Variants in SV2C observed in about 807,000 individuals in gnomAD.
SV2C encodes solute carrier family 22 member B3.
SV2C carries 49 observed loss-of-function variants against 79.7 expected under a neutral mutation model. That is an observed-to-expected ratio of 0.61 (90% confidence interval 0.49 to 0.78). The LOEUF (loss-of-function observed/expected upper bound fraction) is 0.78. SV2C is among the 30% of genes least tolerant of loss of function. The pLI is 0.00. For missense variants in SV2C, 833 were observed against 912.9 expected (o/e 0.91, Z 1.13); for synonymous variants, 334 against 333.2 (o/e 1.00, Z -0.03).
chr5:75,972,517 G>A, the SV2C span, among the ~76,000 whole-genome samples: 2 of 152,106 alleles, frequency 1.3e-5, no homozygotes, highest in African/African-American at 4.8e-5. Flanking sequence ...ACTGGGCGAA[G>A]GATATGAACA....
At chr5:76,232,053 A>G (rs1233657223) in intron 4 of SV2C, among the ~76,000 whole-genome samples, 1 of 147,942 alleles carries the variant, frequency 6.8e-6, no homozygotes, top group Non-Finnish European at 1.5e-5. Flanking sequence ...CAGTCCCACC[A>G]ACAGTGTAAA....
the SV2C span, among the ~76,000 whole-genome samples, chr5:76,005,471 C>T: frequency 6.6e-6 from 1 of 152,076 alleles, no homozygotes; most frequent in Admixed American, 6.6e-5. Context: ...TTGGTTTTCC[C>T]TGAACAATGT....
At chr5:76,336,072 C>T (rs1338116541), downstream of SV2C, among the ~76,000 whole-genome samples, 1 of 66,340 alleles carries the variant, frequency 1.5e-5, no homozygotes, top group Non-Finnish European at 4.9e-5. Context: ...ACCTCCCTCC[C>T]GGACGGGGCG....
intron 12 of SV2C, among the ~76,000 whole-genome samples, chr5:76,318,246 C>T (rs1255948690): frequency 6.6e-6 from 1 of 152,006 alleles, no homozygotes; most frequent in Non-Finnish European, 1.5e-5. Flanking sequence ...GGTGAAACCC[C>T]GTCTCTACTA....
chr5:76,261,217 G>A (rs1346217069), intron 4 of SV2C, among the ~76,000 whole-genome samples: 1 of 152,018 alleles, frequency 6.6e-6, no homozygotes, highest in African/African-American at 2.4e-5. Flanking sequence ...GTGAATGGGA[G>A]GTCACTCATG....
the SV2C span, among the ~76,000 whole-genome samples, chr5:75,957,009 A>G: frequency 4.6e-5 from 7 of 152,096 alleles, no homozygotes; most frequent in African/African-American, 1.7e-4. Flanking sequence ...TCCAGGCCCA[A>G]GTCCATGTCA....
intron 12 of SV2C, among the ~76,000 whole-genome samples, chr5:76,314,826 G>A (rs1311151385): frequency 1.3e-5 from 2 of 152,068 alleles, no homozygotes; most frequent in Non-Finnish European, 2.9e-5. Flanking sequence ...AGCTCACTTG[G>A]CTGTTGGGAT....
the SV2C span, chr5:75,911,423 C>T: frequency 2.9e-6 from 3 of 1,029,590 alleles, no homozygotes; most frequent in Admixed American, 2.2e-5. Context: ...CCTAGTAGGC[C>T]TCCTCCACCC....
the SV2C span, among the ~76,000 whole-genome samples, chr5:75,850,564 T>A: frequency 6.6e-6 from 1 of 152,030 alleles, no homozygotes; most frequent in African/African-American, 2.4e-5. Flanking sequence ...AGTGACTATC[T>A]AGGTTGGTGG....
chr5:76,334,439 C>T (rs913780418), downstream of SV2C, among the ~76,000 whole-genome samples: 2 of 152,158 alleles, frequency 1.3e-5, no homozygotes, highest in African/African-American at 4.8e-5. Flanking sequence ...TTCTTTTATT[C>T]CTTTAATTTC....
chr5:76,339,139 A>T (rs1749388807), intron 12 of SV2C, among the ~76,000 whole-genome samples: 1 of 152,182 alleles, frequency 6.6e-6, no homozygotes, highest in Non-Finnish European at 1.5e-5. Context: ...ACACAAAATT[A>T]ACGTAAAAGT....
the SV2C span, among the ~76,000 whole-genome samples, chr5:76,071,439 C>G: frequency 6.6e-6 from 1 of 152,050 alleles, no homozygotes; most frequent in Non-Finnish European, 1.5e-5. Flanking sequence ...TAATAGAGTA[C>G]CCAGAAACCA....
At chr5:76,001,399 G>T in the SV2C span, among the ~76,000 whole-genome samples, 1 of 152,270 alleles carries the variant, frequency 6.6e-6, no homozygotes, top group African/African-American at 2.4e-5. Flanking sequence ...AGGAGATTGA[G>T]ACCATCCTGG....
At chr5:76,038,169 T>C in the SV2C span, among the ~76,000 whole-genome samples, 1 of 152,212 alleles carries the variant, frequency 6.6e-6, no homozygotes, top group Admixed American at 6.5e-5. Flanking sequence ...ATGAACCCGG[T>C]ACCTCAGATG....
the SV2C span, among the ~76,000 whole-genome samples, chr5:76,000,524 A>G: frequency 6.6e-6 from 1 of 152,188 alleles, no homozygotes; most frequent in Admixed American, 6.5e-5. Context: ...CAAGCTCCCC[A>G]TGATTCTGTG....
the SV2C span, among the ~76,000 whole-genome samples, chr5:76,044,683 A>AT: frequency 4.6e-5 from 7 of 151,714 alleles, no homozygotes; most frequent in East Asian, 3.9e-4. Flanking sequence ...TTTTATTCAT[A>AT]TTTTTTTTGG....
chr5:75,952,567 G>A, the SV2C span, among the ~76,000 whole-genome samples: 1 of 151,762 alleles, frequency 6.6e-6, no homozygotes, highest in African/African-American at 2.4e-5. Flanking sequence ...CATCCCCTTG[G>A]TGATGAGTGG....
At chr5:76,174,209 C>T in intron 2 of SV2C, 3 of 1,604,570 alleles carry the variant, frequency 1.9e-6, no homozygotes, top group Non-Finnish European at 2.6e-6. Flanking sequence ...AAACCTAGTA[C>T]TCTGCGAACC....
At chr5:75,946,364 A>C in the SV2C span, among the ~76,000 whole-genome samples, 1 of 152,114 alleles carries the variant, frequency 6.6e-6, no homozygotes, top group African/African-American at 2.4e-5. Context: ...CATTTTTGTC[A>C]AAAATCATTT....
Sources: gnomAD v4.1 joint callset for allele counts (sites outside exome capture counted in the v4.1 genomes callset) on GRCh38, gnomAD v4.1.1 for gene constraint, MANE v1.5 for transcripts, NCBI Gene and HGNC (gene_info 2026-07-23, HGNC 2026-07-21) for gene names.